The following UBE2G1 variants were observed in gnomAD, a reference collection of about 807,000 sequenced individuals.
UBE2G1 encodes ubiquitin conjugating enzyme E2 G1, also known as ubiquitin-conjugating enzyme E2 G1.
A neutral mutation model predicts 22.7 loss-of-function variants in UBE2G1; 5 were observed. The ratio of observed to expected loss-of-function variants is 0.22; its 90% CI spans 0.12 to 0.46. The LOEUF (loss-of-function observed/expected upper bound fraction) is 0.46, where lower values mean the gene tolerates loss of function less well. UBE2G1 is among the 20% of genes least tolerant of loss of function. The probability of loss-of-function intolerance (pLI) is 0.99; values close to 1 mark genes in which losing one functional copy is unlikely to be tolerated. For missense variants in UBE2G1, 88 were observed against 203.9 expected (o/e 0.43, Z 3.46); for synonymous variants, 74 against 67.5 (o/e 1.10, Z -0.47).
chr17:4,318,134 G>T (rs1057172972), intron 1 of UBE2G1, among the ~76,000 whole-genome samples: 1 of 152,064 alleles, frequency 6.6e-6, no homozygotes, highest in Non-Finnish European at 1.5e-5. Flanking sequence ...GTTGCAACAC[G>T]GAGAAGATAT....
At chr17:4,356,590 G>A (rs1214159638) in intron 1 of UBE2G1, among the ~76,000 whole-genome samples, 3 of 151,880 alleles carry the variant, frequency 2.0e-5, no homozygotes, top group Non-Finnish European at 4.4e-5. Context: ...GATGGTAGCT[G>A]TGCGTGGTGG....
intron 1 of UBE2G1, among the ~76,000 whole-genome samples, chr17:4,321,788 T>C (rs754624291): frequency 4.0e-5 from 6 of 150,882 alleles, no homozygotes; most frequent in Non-Finnish European, 8.9e-5. Context: ...ATTTGCCCAA[T>C]GTTTGTTGCT....
At chr17:4,318,030 T>C (rs527671195) in intron 1 of UBE2G1, among the ~76,000 whole-genome samples, 12 of 152,336 alleles carry the variant, frequency 7.9e-5, no homozygotes, top group African/African-American at 2.4e-4. Flanking sequence ...CATATGATAT[T>C]ATGTATTACT....
intron 2 of UBE2G1, among the ~76,000 whole-genome samples, chr17:4,306,524 C>T (rs971027581): frequency 3.9e-5 from 6 of 151,990 alleles, no homozygotes; most frequent in African/African-American, 1.2e-4. Context: ...AGGTCTTAGA[C>T]ATTAGAGCTT....
chr17:4,316,677 C>A (rs1411567630), intron 1 of UBE2G1, among the ~76,000 whole-genome samples: 1 of 152,048 alleles, frequency 6.6e-6, no homozygotes, highest in Non-Finnish European at 1.5e-5. Context: ...TACCGGCTAG[C>A]TGATTTCCTA....
chr17:4,355,515 G>A (rs1269184506), intron 1 of UBE2G1, among the ~76,000 whole-genome samples: 8 of 148,176 alleles, frequency 5.4e-5, no homozygotes, highest in African/African-American at 1.2e-4. Context: ...GGTGGCACAC[G>A]CCTGTAGTCC....
chr17:4,345,440 T>A (rs1435269269), intron 1 of UBE2G1, among the ~76,000 whole-genome samples: 2 of 152,230 alleles, frequency 1.3e-5, no homozygotes, highest in African/African-American at 2.4e-5. Flanking sequence ...GAAAGGCACT[T>A]TTAAAAATTC....
chr17:4,358,637 C>T (rs887159245), intron 1 of UBE2G1, among the ~76,000 whole-genome samples: 6 of 152,162 alleles, frequency 3.9e-5, no homozygotes, highest in Non-Finnish European at 8.8e-5. Context: ...CCTTTTATGG[C>T]TCATGCTTTT....
chr17:4,355,311 G>A (rs930857711), intron 1 of UBE2G1, among the ~76,000 whole-genome samples: 5 of 151,018 alleles, frequency 3.3e-5, no homozygotes, highest in African/African-American at 9.7e-5. Flanking sequence ...ACAGGCATGA[G>A]TCACTAAGCC....
At chr17:4,276,537 GGTCAGTATAGT>G (rs1453215116) in intron 5 of UBE2G1, among the ~76,000 whole-genome samples, 1 of 152,124 alleles carries the variant, frequency 6.6e-6, no homozygotes, top group Admixed American at 6.6e-5. Flanking sequence ...AGTCTTTACA[GGTCAGTATAGT>G]GTATCTATCG....
chr17:4,281,969 T>C (rs572221584), intron 5 of UBE2G1, among the ~76,000 whole-genome samples: 8 of 150,060 alleles, frequency 5.3e-5, no homozygotes, highest in African/African-American at 1.8e-4. Context: ...CTTTGACTCC[T>C]TTCTAGACCT....
At position 4,272,455 on chromosome 17, in the gene UBE2G1, G is replaced by T. The variant is rs530466024; in HGVS notation, c.*99C>A. 1.3e-4 allele frequency: 24 copies of T among 186,786 alleles called. No homozygotes were observed. In the South Asian group the frequency reaches 3.4e-3, roughly 27 times the overall value. The allele number at this position is 186,786 out of a possible 1,614,324, so 11.6% of individuals were successfully genotyped here. ...CCAGTGTTTGCCAACTTGTACAACAGAAGTCCAGCAATAGGTGGGTAGAGT... is the reference window on the plus strand; with the variant it reads ...CCAGTGTTTGCCAACTTGTACAACATAAGTCCAGCAATAGGTGGGTAGAGT... On this transcript the variant is annotated 3_prime_UTR_variant, in exon 6 of 6. Transcript: ENST00000396981.
intron 2 of UBE2G1, chr17:4,302,319 G>C: frequency 2.1e-6 from 1 of 474,178 alleles, no homozygotes; most frequent in Non-Finnish European, 4.3e-6. Context: ...TGTGGTTGCA[G>C]CCACTCTTGT....
intron 1 of UBE2G1, among the ~76,000 whole-genome samples, chr17:4,326,726 T>C (rs1969507168): frequency 7.2e-5 from 11 of 152,200 alleles, no homozygotes; most frequent in Admixed American, 7.2e-4. Flanking sequence ...ATGTGCAGTA[T>C]ATACATACAA....
At chr17:4,302,240 C>T (rs1476280323) in intron 2 of UBE2G1, 2 of 474,940 alleles carry the variant, frequency 4.2e-6, no homozygotes, top group Middle Eastern at 4.6e-4. Context: ...ATGTCGTTAT[C>T]AGCTCCCACA....
intron 1 of UBE2G1, among the ~76,000 whole-genome samples, chr17:4,317,373 C>T (rs891048863): frequency 2.6e-5 from 4 of 152,106 alleles, no homozygotes; most frequent in African/African-American, 7.2e-5. Context: ...AAAAATTAGC[C>T]GGACATGGTG....
intron 1 of UBE2G1, among the ~76,000 whole-genome samples, chr17:4,343,714 G>A (rs768515280): frequency 6.6e-6 from 1 of 151,602 alleles, no homozygotes; most frequent in Non-Finnish European, 1.5e-5. Flanking sequence ...TCAGCCTTCT[G>A]AGTAGCTGGG....
chr17:4,305,724 T>A (rs1183930258), intron 2 of UBE2G1, among the ~76,000 whole-genome samples: 1 of 152,088 alleles, frequency 6.6e-6, no homozygotes, highest in Non-Finnish European at 1.5e-5. Context: ...GTATTTTTAG[T>A]AGAGACAGGG....
intron 4 of UBE2G1, among the ~76,000 whole-genome samples, chr17:4,284,829 CTTTTCTTTCTTTTTTT>C (rs1567514903): frequency 2.7e-3 from 185 of 68,052 alleles, no homozygotes; most frequent in African/African-American, 7.9e-3. Context: ...CTTTTCTTTT[CTTTTCTTTCTTTTTTT>C]TTTTTTTTTT....
Sources: gnomAD v4.1 joint callset for allele counts (sites outside exome capture counted in the v4.1 genomes callset) on GRCh38, gnomAD v4.1.1 for gene constraint, MANE v1.5 for transcripts, NCBI Gene and HGNC (gene_info 2026-07-23, HGNC 2026-07-21) for gene names.